PLCH1: variants seen among roughly 807,000 people sequenced by gnomAD.
PLCH1 encodes 1-phosphatidylinositol 4,5-bisphosphate phosphodiesterase eta-1.
A neutral mutation model predicts 126.7 loss-of-function variants in PLCH1; 60 were observed. That is an observed-to-expected ratio of 0.47 (90% CI 0.38 to 0.59). PLCH1 has a LOEUF of 0.59. Ranked by LOEUF, PLCH1 falls within the 20% of genes least tolerant of loss-of-function variation. The pLI, the probability that PLCH1 is intolerant of heterozygous loss-of-function variation, is 0.00. For synonymous variants in PLCH1, 719 were observed against 734.9 expected (o/e 0.98, Z 0.35); for missense variants, 1,723 against 2,040.0 (o/e 0.84, Z 2.99).
intron 21 of PLCH1, among the ~76,000 whole-genome samples, chr3:155,469,595 G>C (rs996189761): frequency 5.9e-5 from 9 of 152,224 alleles, no homozygotes; most frequent in African/African-American, 1.9e-4. Context: ...AGGCCTGCCT[G>C]CATCTGTAGG....
rs908741181 is a variant in PLCH1, at chr3:155,470,103, A to G, written c.2938+15253T>C. On this transcript the variant is annotated intron_variant, in intron 21 of 21. Coordinates refer to the PLCH1 transcript ENST00000494598. Reference sequence around the variant, plus strand: ...ATGACTTTGACGAGCTGAGAGAAGAAGGCTTCAGACGATCAAATTACTCTG... The same window carrying G: ...ATGACTTTGACGAGCTGAGAGAAGAGGGCTTCAGACGATCAAATTACTCTG... Among the ~76,000 whole-genome samples the G allele has an allele frequency of 2.1e-3, 314 of 152,102 alleles. 1 individual carries two copies. Among genetic ancestry groups the G allele is most frequent in the Middle Eastern group, 6.8e-3 (2 of 294 alleles).
At chr3:155,600,911 T>C (rs1733638627) in intron 2 of PLCH1, among the ~76,000 whole-genome samples, 1 of 152,210 alleles carries the variant, frequency 6.6e-6, no homozygotes, top group East Asian at 1.9e-4. Context: ...CTTTATTACA[T>C]AGCTAGAGTT....
intron 2 of PLCH1, among the ~76,000 whole-genome samples, chr3:155,640,831 GGGAGAATATCA>G (rs1181116016): frequency 2.0e-5 from 3 of 152,114 alleles, no homozygotes; most frequent in African/African-American, 7.2e-5. Context: ...GAAATGCCCA[GGGAGAATATCA>G]GTCCACTACT....
Position 155,693,648 on chromosome 3 carries a change from G to A in PLCH1, c.79+10498C>T, listed in dbSNP as rs540510246. Among the ~76,000 whole-genome samples the A allele has an allele frequency of 1.1e-4, 17 of 152,158 alleles. 2 individuals carry two copies. In the South Asian group the frequency reaches 2.7e-3, roughly 24 times the overall value. ...AATATTTTTAAAGAAAAACAGCAGC[G>A]GCTGGATGTGGTGGCTCATGCCTGT... On this transcript the variant is annotated intron_variant, in intron 2 of 22. Transcript: ENST00000460012.
At chr3:155,547,964 C>T (rs1018737364) in intron 10 of PLCH1, among the ~76,000 whole-genome samples, 2 of 151,408 alleles carry the variant, frequency 1.3e-5, no homozygotes, top group African/African-American at 4.9e-5. Flanking sequence ...GGGTGCAGCA[C>T]ACCAGCATGG....
intron 2 of PLCH1, among the ~76,000 whole-genome samples, chr3:155,611,466 AT>A (rs1735083820): frequency 6.6e-6 from 1 of 152,180 alleles, no homozygotes; most frequent in African/African-American, 2.4e-5. Flanking sequence ...CAACAGAAAA[AT>A]ATCACAATCC....
At chr3:155,630,230 A>G (rs1210282323) in intron 2 of PLCH1, among the ~76,000 whole-genome samples, 2 of 152,240 alleles carry the variant, frequency 1.3e-5, no homozygotes, top group African/African-American at 2.4e-5. Flanking sequence ...ATTAAAGAGT[A>G]TTTTAAGAAT....
chr3:155,520,210 A>T lies in PLCH1; in HGVS notation c.1470+3687T>A, dbSNP rs564795390. 3.9e-5 allele frequency among the ~76,000 whole-genome samples: 6 copies of T among 152,318 alleles called. No individual in the cohort carries two copies. The South Asian group carries it at 1.2e-3, about 32-fold the overall frequency. On this transcript the variant is annotated intron_variant, in intron 11 of 22. Transcript: ENST00000460012. ...ATGCTTTCAACAGCAAGACCTTGTA[A>T]CCTCAAGAGGTAACTCATGCTGTCT...
chr3:155,674,658 T>C (rs1017980775), intron 2 of PLCH1, among the ~76,000 whole-genome samples: 1 of 152,180 alleles, frequency 6.6e-6, no homozygotes, highest in Admixed American at 6.6e-5. Context: ...ATGAAATATT[T>C]GCTCAATGAA....
intron 22 of PLCH1, among the ~76,000 whole-genome samples, chr3:155,483,620 CTGTT>C (rs1382265554): frequency 6.6e-5 from 10 of 152,220 alleles, no homozygotes; most frequent in African/African-American, 2.4e-4. Context: ...ATATCAATAT[CTGTT>C]GAGTTAAAAT....
chr3:155,520,381 G>C (rs1228200436), intron 11 of PLCH1, among the ~76,000 whole-genome samples: 1 of 152,178 alleles, frequency 6.6e-6, no homozygotes, highest in Non-Finnish European at 1.5e-5. Context: ...ACTGGATAAT[G>C]GTTTTAGAAT....
At chr3:155,625,797 C>T (rs1366688280) in intron 2 of PLCH1, among the ~76,000 whole-genome samples, 1 of 152,292 alleles carries the variant, frequency 6.6e-6, no homozygotes, top group Admixed American at 6.5e-5. Context: ...TAAATTGGTT[C>T]AACCATTGTG....
chr3:155,690,756 T>C (rs1215341487), intron 2 of PLCH1, among the ~76,000 whole-genome samples: 2 of 152,204 alleles, frequency 1.3e-5, no homozygotes, highest in African/African-American at 4.8e-5. Flanking sequence ...CATGTGCTCC[T>C]TGGAGAATAG....
At chr3:155,744,398 A>G (rs965418196) in intron 1 of PLCH1, among the ~76,000 whole-genome samples, 7 of 152,280 alleles carry the variant, frequency 4.6e-5, no homozygotes, top group African/African-American at 9.6e-5. Context: ...AGACTCCCCA[A>G]GTGTAACGGA....
At chr3:155,612,764 C>G (rs900768676) in intron 2 of PLCH1, among the ~76,000 whole-genome samples, 2 of 151,674 alleles carry the variant, frequency 1.3e-5, no homozygotes, top group Non-Finnish European at 2.9e-5. Flanking sequence ...CAAAATTAGC[C>G]GGGCGTGGTG....
intron 2 of PLCH1, among the ~76,000 whole-genome samples, chr3:155,655,489 G>GT (rs993955282): frequency 1.2e-4 from 18 of 151,976 alleles, no homozygotes; most frequent in African/African-American, 4.4e-4. Flanking sequence ...CGCTATTTGT[G>GT]TTTCACATCT....
intron 2 of PLCH1, among the ~76,000 whole-genome samples, chr3:155,666,930 G>C (rs1030039591): frequency 1.4e-5 from 2 of 147,252 alleles, no homozygotes; most frequent in African/African-American, 5.1e-5. Context: ...GTGTGTGTGT[G>C]CATGTGTGTG....
chr3:155,559,998 G>A (rs968758846), intron 8 of PLCH1, among the ~76,000 whole-genome samples: 3 of 152,052 alleles, frequency 2.0e-5, no homozygotes, highest in South Asian at 2.1e-4. Flanking sequence ...GTTTTGAGTC[G>A]GTATAAGGAA....
At chr3:155,472,789 A>T (rs2107984685) in intron 21 of PLCH1, among the ~76,000 whole-genome samples, 1 of 150,570 alleles carries the variant, frequency 6.6e-6, no homozygotes, top group East Asian at 1.9e-4. Context: ...TAAATCAATA[A>T]ATGTAATCCA....
Sources: allele counts gnomAD v4.1 joint callset (sites outside exome capture counted in the v4.1 genomes callset), GRCh38; gene constraint gnomAD v4.1.1; transcripts MANE v1.5; gene names NCBI Gene and HGNC (gene_info 2026-07-23, HGNC 2026-07-21).